Variants in CSMD1 observed in about 807,000 individuals in gnomAD.
CSMD1 encodes CUB and sushi domain-containing protein 1.
CSMD1 carries 213 observed loss-of-function variants against 417.5 expected under a neutral mutation model. The observed-to-expected ratio is 0.51, with a 90% CI of 0.46 to 0.57. The LOEUF is 0.57. Among genes scored for constraint, CSMD1 ranks in the 20% least tolerant of loss-of-function variants. The pLI, the probability that CSMD1 is intolerant of heterozygous loss-of-function variation, is 0.00. For synonymous variants in CSMD1, 2,862 were observed against 1,736.8 expected, an observed-to-expected ratio of 1.65 and a Z score of -16.11; for missense variants, 6,923 against 4,529.7, an observed-to-expected ratio of 1.53 and a Z score of -15.17.
At chr8:3,839,314 A>C (rs1802943275) in intron 5 of CSMD1, among the ~76,000 whole-genome samples, 1 of 122,500 alleles carries the variant, frequency 8.2e-6, no homozygotes, top group African/African-American at 3.1e-5. Flanking sequence ...ATATACTATT[A>C]ATATATATTA....
chr8:3,677,572 T>A (rs887401524), intron 7 of CSMD1, among the ~76,000 whole-genome samples: 3 of 152,128 alleles, frequency 2.0e-5, no homozygotes, highest in Non-Finnish European at 4.4e-5. Flanking sequence ...TTTGGAGATG[T>A]CTTAGATTCA....
chr8:3,020,691 C>A (rs1202367623), intron 51 of CSMD1, among the ~76,000 whole-genome samples: 4 of 152,088 alleles, frequency 2.6e-5, no homozygotes, highest in Non-Finnish European at 5.9e-5. Flanking sequence ...GATAGGACAA[C>A]CGAGGCTCTA....
intron 62 of CSMD1, among the ~76,000 whole-genome samples, chr8:2,958,906 A>T (rs1217966350): frequency 1.3e-5 from 2 of 152,260 alleles, no homozygotes; most frequent in African/African-American, 4.8e-5. Flanking sequence ...AGTAAAATGC[A>T]AGGAAATAGT....
At chr8:3,853,775 C>T (rs534463769) in intron 5 of CSMD1, among the ~76,000 whole-genome samples, 11 of 151,402 alleles carry the variant, frequency 7.3e-5, no homozygotes, top group African/African-American at 2.2e-4. Context: ...TGCTAAATGA[C>T]GAGTTACTGG....
At chr8:3,047,938 C>G (rs1811566832) in intron 50 of CSMD1, among the ~76,000 whole-genome samples, 1 of 152,152 alleles carries the variant, frequency 6.6e-6, no homozygotes. Context: ...TGGATGTATT[C>G]ACAAACACCT....
chr8:4,796,900 G>A (rs1798010141), intron 1 of CSMD1, among the ~76,000 whole-genome samples: 2 of 152,172 alleles, frequency 1.3e-5, no homozygotes, highest in Admixed American at 6.5e-5. Context: ...GAAACGCTAT[G>A]GACACATTAG....
chr8:4,311,177 C>G (rs1333163263), intron 3 of CSMD1, among the ~76,000 whole-genome samples: 2 of 152,266 alleles, frequency 1.3e-5, no homozygotes, highest in East Asian at 3.9e-4. Flanking sequence ...ATAAATCATT[C>G]CACCATAAAG....
At chr8:4,607,949 G>A (rs1052919441) in intron 2 of CSMD1, among the ~76,000 whole-genome samples, 1 of 152,116 alleles carries the variant, frequency 6.6e-6, no homozygotes, top group Non-Finnish European at 1.5e-5. Flanking sequence ...GACATCTGGC[G>A]ACTTTCCCCA....
chr8:4,073,222 T>C (rs1456980651), intron 3 of CSMD1, among the ~76,000 whole-genome samples: 1 of 152,044 alleles, frequency 6.6e-6, no homozygotes, highest in Non-Finnish European at 1.5e-5. Context: ...TTTTTAAAAA[T>C]AAAAAGCAAT....
intron 1 of CSMD1, among the ~76,000 whole-genome samples, chr8:4,782,653 C>T (rs1208418362): frequency 6.6e-6 from 1 of 152,070 alleles, no homozygotes; most frequent in Non-Finnish European, 1.5e-5. Flanking sequence ...TATTTTTGTA[C>T]AATATAGCTC....
intron 3 of CSMD1, among the ~76,000 whole-genome samples, chr8:4,095,123 A>C (rs1800935793): frequency 6.6e-6 from 1 of 152,152 alleles, no homozygotes; most frequent in Non-Finnish European, 1.5e-5. Flanking sequence ...GGATATGGAA[A>C]GAACTTGGGA....
At chr8:3,678,986 A>C (rs1047832243) in intron 7 of CSMD1, among the ~76,000 whole-genome samples, 1 of 152,210 alleles carries the variant, frequency 6.6e-6, no homozygotes, top group South Asian at 2.1e-4. Context: ...GCAAATGCTG[A>C]GAGATTTTGC....
At position 2,937,477 on chromosome 8, in the gene CSMD1, A is replaced by C. The variant is rs906175606; in HGVS notation, c.*1108T>G. Reference sequence around the variant, plus strand: ...ACAAAAAAAAAACACTGCAAAAGGGAAGGCTGCATTGTGAGCTAAAACCCA... The same window carrying C: ...ACAAAAAAAAAACACTGCAAAAGGGCAGGCTGCATTGTGAGCTAAAACCCA... On this transcript the variant is annotated 3_prime_UTR_variant, in exon 70 of 70. Coordinates refer to ENST00000635120, the MANE Select transcript of CSMD1 (RefSeq NM_033225.6). 15 of 151,960 alleles carry C rather than the reference A, an allele frequency of 9.9e-5. 1 individual carries two copies. The highest frequency in any genetic ancestry group is 3.4e-3 in the Middle Eastern group (1 of 294). 9.4% of individuals were successfully genotyped at this position (151,960 alleles called of 1,614,324 possible).
chr8:2,950,309 C>T lies in CSMD1; in HGVS notation c.10236G>A (p.Leu3412=), dbSNP rs747226914. ...IYKKEEAHLL[L]KAFQIKGQAD... ...CCTGGCCTTTAATTTGAAAAGCTTT[C>T]AGGAGTAAGTGGGCCTCCTCCTTCT... Residue 3412 remains leucine, a synonymous_variant, in exon 67 of 70, where the codon CTG becomes CTA. Transcript: ENST00000635120. 6 of 1,613,464 alleles carry T rather than the reference C, an allele frequency of 3.7e-6. No homozygotes were observed. Among genetic ancestry groups the T allele is most frequent in the Admixed American group, 1.7e-5 (1 of 59,998 alleles).
chr8:4,086,026 C>G (rs890550576), intron 3 of CSMD1, among the ~76,000 whole-genome samples: 2 of 152,132 alleles, frequency 1.3e-5, no homozygotes, highest in African/African-American at 4.8e-5. Flanking sequence ...AAGGTGTGGT[C>G]CTGTTTTCAA....
intron 50 of CSMD1, among the ~76,000 whole-genome samples, chr8:3,049,101 G>A (rs1392599401): frequency 6.6e-6 from 1 of 152,140 alleles, no homozygotes; most frequent in Admixed American, 6.5e-5. Flanking sequence ...GCGACAACGT[G>A]GGGCAACAGG....
Position 4,623,344 on chromosome 8 carries a change from T to G in CSMD1, c.302+13998A>C, listed in dbSNP as rs145621245. On this transcript the variant is annotated intron_variant, in intron 2 of 69. Transcript: ENST00000635120. ...CTAAAAAGGCTGAGTACACTAAATA[T>G]AGCAAAAACATACAACAACTAAAAT... Among the ~76,000 whole-genome samples the G allele has an allele frequency of 3.4e-3, 515 of 152,202 alleles. 5 individuals are homozygous for G. Among genetic ancestry groups the G allele is most frequent in the African/African-American group, 0.012 (492 of 41,520 alleles).
chr8:3,732,744 G>A (rs1046888100), intron 6 of CSMD1, among the ~76,000 whole-genome samples: 1 of 152,110 alleles, frequency 6.6e-6, no homozygotes, highest in Non-Finnish European at 1.5e-5. Context: ...AGTAACACCT[G>A]ATAAACTCAA....
At chr8:4,912,101 T>A in intron 1 of CSMD1, among the ~76,000 whole-genome samples, 1 of 117,212 alleles carries the variant, frequency 8.5e-6, no homozygotes, top group South Asian at 2.7e-4. Flanking sequence ...TCCTGTACTT[T>A]TCTAGTGCTC....
Sources: allele counts gnomAD v4.1 joint callset (sites outside exome capture counted in the v4.1 genomes callset), GRCh38; gene constraint gnomAD v4.1.1; transcripts MANE v1.5; gene names NCBI Gene and HGNC (gene_info 2026-07-23, HGNC 2026-07-21).